JAM2: variants seen among roughly 807,000 people sequenced by gnomAD.
JAM2 encodes junctional adhesion molecule B.
Under a neutral mutation model 42.0 loss-of-function variants are expected in JAM2, and 17 were observed. That is an observed-to-expected ratio of 0.40 (90% confidence interval 0.28 to 0.61). The LOEUF is 0.61. JAM2 is among the 20% of genes least tolerant of loss of function. The pLI, the probability that JAM2 is intolerant of heterozygous loss-of-function variation, is 0.37. For missense variants in JAM2, 319 were observed against 358.3 expected (o/e 0.89, Z 0.89); for synonymous variants, 118 against 128.6 (o/e 0.92, Z 0.56).
chr21:25,704,018 C>A (rs1321951412), intron 6 of JAM2, among the ~76,000 whole-genome samples: 1 of 151,888 alleles, frequency 6.6e-6, no homozygotes, highest in Non-Finnish European at 1.5e-5. Context: ...TAGGGTGAAT[C>A]CTTCCTTCAT....
chr21:25,707,454 C>G (rs550316403), intron 7 of JAM2, among the ~76,000 whole-genome samples: 1 of 152,186 alleles, frequency 6.6e-6, no homozygotes, highest in African/African-American at 2.4e-5. Context: ...TCCACTCCAG[C>G]CTGGGTGACA....
intron 6 of JAM2, 76 bp from the exon 7 acceptor site, chr21:25,705,903 G>T: frequency 9.8e-7 from 1 of 1,022,144 alleles, no homozygotes; most frequent in Non-Finnish European, 1.5e-6. Flanking sequence ...ATCTTTTTTT[G>T]AACCTTTTCA....
chr21:25,689,819 A>G (rs1420716354), intron 2 of JAM2, 47 bp from the exon 3 acceptor site: 2 of 1,234,754 alleles, frequency 1.6e-6, no homozygotes, highest in Non-Finnish European at 2.4e-6. Flanking sequence ...TAAAATATAA[A>G]TTCATGGGGA....
intron 1 of JAM2, among the ~76,000 whole-genome samples, chr21:25,675,505 A>AAGAGAGAGAGGAGAGAG (rs886808364): frequency 1.3e-5 from 2 of 150,904 alleles, no homozygotes; most frequent in Admixed American, 6.6e-5. Flanking sequence ...CAGAAAAAGA[A>AAGAGAGAGAGGAGAGAG]AGAGAGAGAG....
At chr21:25,713,558 G>C (rs897027458) in intron 9 of JAM2, among the ~76,000 whole-genome samples, 8 of 151,706 alleles carry the variant, frequency 5.3e-5, no homozygotes, top group Admixed American at 3.3e-4. Flanking sequence ...AGTAGAGTCT[G>C]GGGGGTGGGG....
At chr21:25,688,270 G>GTGTA (rs1601036471) in intron 2 of JAM2, among the ~76,000 whole-genome samples, 1 of 151,824 alleles carries the variant, frequency 6.6e-6, no homozygotes, top group Non-Finnish European at 1.5e-5. Flanking sequence ...GTGTGTGTGT[G>GTGTA]TATGTGTGTG....
rs866818788 is a variant in JAM2, at chr21:25,651,594, C to T, written c.67+11706C>T. Among the ~76,000 whole-genome samples the T allele has an allele frequency of 3.3e-5, 5 of 152,276 alleles. 1 individual carries two copies. The Middle Eastern group carries it at 0.01, about 311-fold the overall frequency. On this transcript the variant is annotated intron_variant, in intron 1 of 9. Coordinates refer to ENST00000480456, the MANE Select transcript of JAM2 (RefSeq NM_021219.4). ...TATGTAGAAAAATTCTATATTTGCCCTTTGACCCATCAACCCCGTTACTGG... is the reference window on the plus strand; with the variant it reads ...TATGTAGAAAAATTCTATATTTGCCTTTTGACCCATCAACCCCGTTACTGG...
intron 3 of JAM2, among the ~76,000 whole-genome samples, chr21:25,691,248 A>G (rs2033874521): frequency 6.6e-6 from 1 of 152,264 alleles, no homozygotes; most frequent in African/African-American, 2.4e-5. Context: ...TTATCTGTCA[A>G]GATAAGACTA....
chr21:25,660,759 C>CATATAT (rs1311949044), intron 1 of JAM2, among the ~76,000 whole-genome samples: 709 of 53,422 alleles, frequency 0.013, 31 homozygotes, highest in East Asian at 0.02. Flanking sequence ...TCACAATAAC[C>CATATAT]ATATATATAT....
chr21:25,677,442 G>A (rs1340588932), intron 1 of JAM2, among the ~76,000 whole-genome samples: 1 of 152,112 alleles, frequency 6.6e-6, no homozygotes, highest in African/African-American at 2.4e-5. Flanking sequence ...AAATTTTATA[G>A]TAATTTTTGA....
chr21:25,678,458 A>G (rs190552751), intron 1 of JAM2, among the ~76,000 whole-genome samples: 43 of 152,324 alleles, frequency 2.8e-4, no homozygotes, highest in African/African-American at 9.4e-4. Flanking sequence ...GAGAAAAGAA[A>G]GAACAGCTGC....
intron 2 of JAM2, among the ~76,000 whole-genome samples, chr21:25,684,379 G>A (rs893497350): frequency 2.0e-5 from 3 of 152,128 alleles, no homozygotes; most frequent in Admixed American, 6.5e-5. Flanking sequence ...TTTATAAGGA[G>A]GAGTTAATTT....
At chr21:25,681,764 G>C (rs1055469889) in intron 1 of JAM2, among the ~76,000 whole-genome samples, 3 of 152,046 alleles carry the variant, frequency 2.0e-5, no homozygotes, top group Non-Finnish European at 4.4e-5. Flanking sequence ...GGGTGGATCA[G>C]GAGGTCAGGA....
intron 5 of JAM2, among the ~76,000 whole-genome samples, chr21:25,700,350 C>T (rs916918313): frequency 2.6e-5 from 4 of 151,230 alleles, no homozygotes; most frequent in Non-Finnish European, 5.9e-5. Context: ...GTGATAATAA[C>T]AATTTTAATA....
chr21:25,645,355 C>T (rs2032577985), intron 1 of JAM2, among the ~76,000 whole-genome samples: 1 of 152,146 alleles, frequency 6.6e-6, no homozygotes, highest in South Asian at 2.1e-4. Context: ...AGAGTGCTTA[C>T]CTCATAGAGG....
chr21:25,665,771 T>C (rs924469736), intron 1 of JAM2, among the ~76,000 whole-genome samples: 6 of 152,174 alleles, frequency 3.9e-5, no homozygotes, highest in African/African-American at 1.4e-4. Context: ...CCACACACAG[T>C]GGCTCACGTC....
At chr21:25,691,102 C>G (rs17001294) in intron 3 of JAM2, among the ~76,000 whole-genome samples, 33,957 of 152,034 alleles carry the variant, frequency 0.22, 3,946 homozygotes, top group African/African-American at 0.29. Context: ...ATAAATATTT[C>G]TAAAGCTGGA....
At chr21:25,662,177 C>T (rs2033106723) in intron 1 of JAM2, among the ~76,000 whole-genome samples, 1 of 152,066 alleles carries the variant, frequency 6.6e-6, no homozygotes, top group Non-Finnish European at 1.5e-5. Flanking sequence ...GAAGATGTCT[C>T]ACTCCTGTCA....
intron 2 of JAM2, among the ~76,000 whole-genome samples, chr21:25,689,155 A>C (rs1408061250): frequency 6.6e-6 from 1 of 152,194 alleles, no homozygotes; most frequent in Non-Finnish European, 1.5e-5. Flanking sequence ...AGGCAGTTAC[A>C]CTTGATGCTA....
Sources: allele counts gnomAD v4.1 joint callset (sites outside exome capture counted in the v4.1 genomes callset), GRCh38; gene constraint gnomAD v4.1.1; transcripts MANE v1.5; gene names NCBI Gene and HGNC (gene_info 2026-07-23, HGNC 2026-07-21).